The following PFKFB4 variants were observed in gnomAD, a reference collection of about 807,000 sequenced individuals.
PFKFB4 encodes 6-phosphofructo-2-kinase/fructose-2,6-biphosphatase 4.
PFKFB4 carries 42 observed loss-of-function variants against 62.8 expected under a neutral mutation model. The observed-to-expected ratio is 0.67, with a 90% CI of 0.52 to 0.86. The LOEUF is 0.86. Ranked by LOEUF, PFKFB4 falls within the 40% of genes least tolerant of loss-of-function variation. The pLI, the probability that PFKFB4 is intolerant of heterozygous loss-of-function variation, is 0.00. For missense variants in PFKFB4, 475 were observed against 627.2 expected (o/e 0.76, Z 2.59); for synonymous variants, 204 against 240.7 (o/e 0.85, Z 1.41).
intron 8 of PFKFB4, among the ~76,000 whole-genome samples, chr3:48,535,942 A>T (rs1233511767): frequency 6.6e-6 from 1 of 152,170 alleles, no homozygotes; most frequent in Non-Finnish European, 1.5e-5. Context: ...GTGACCACTG[A>T]GGTCTCCCCT....
upstream of PFKFB4, chr3:48,557,148 TGCATAG>T (rs2043348939): frequency 1.9e-5 from 5 of 260,108 alleles, no homozygotes; most frequent in South Asian, 3.0e-4. Flanking sequence ...CGCGCTGATT[TGCATAG>T]GCCCCACCTA....
chr3:48,534,311 AC>A (rs1338195214), intron 9 of PFKFB4, among the ~76,000 whole-genome samples: 39 of 152,318 alleles, frequency 2.6e-4, no homozygotes, highest in South Asian at 1.0e-3. Flanking sequence ...GGCAGAAAAT[AC>A]CTTTGAAGAA....
chr3:48,525,277 C>T (rs1026452293), intron 10 of PFKFB4, among the ~76,000 whole-genome samples: 1 of 152,186 alleles, frequency 6.6e-6, no homozygotes, highest in Non-Finnish European at 1.5e-5. Flanking sequence ...ATTCTCCACC[C>T]CTGGGAAGGG....
upstream of PFKFB4, among the ~76,000 whole-genome samples, chr3:48,558,394 T>C (rs1386393128): frequency 6.6e-6 from 1 of 152,212 alleles, no homozygotes; most frequent in African/African-American, 2.4e-5. Context: ...TCAGGTTCTC[T>C]CTGCCCAGTG....
rs1021022478 is a variant in PFKFB4 at position 48,518,776 on chromosome 3, A to C, written c.*971T>G. On this transcript the variant is annotated 3_prime_UTR_variant, in exon 14 of 14. Transcript: ENST00000232375. ...CAAGTGTTTCTGAATTATTTATGGC[A>C]AATGCATGTTTCTGCCACCAGTGTA... 2 of 152,246 alleles carry C rather than the reference A, an allele frequency of 1.3e-5. No homozygotes were observed. The highest frequency in any genetic ancestry group is 4.8e-5 in the African/African-American group (2 of 41,466). 9.4% of individuals were successfully genotyped at this position (152,246 alleles called of 1,614,324 possible).
rs889097296 is a variant in PFKFB4 at position 48,556,319 on chromosome 3, A to C, written c.97+362T>G. Reference sequence around the variant, plus strand: ...ACCCGGCCCACACTCCTTGGCCAGGAGAGAGGGAAGGGCCTGGGGTGCCCA... The same window carrying C: ...ACCCGGCCCACACTCCTTGGCCAGGCGAGAGGGAAGGGCCTGGGGTGCCCA... On this transcript the variant is annotated intron_variant, in intron 1 of 13. Coordinates refer to ENST00000232375, the MANE Select transcript of PFKFB4 (RefSeq NM_004567.4). This position sits in a 1 kb window ranked among gnomAD's most constrained non-coding sequence, Gnocchi z 5.7. The C allele has an allele frequency of 9.3e-5, 48 of 513,846 alleles. No individual in the cohort carries two copies. The highest frequency in any genetic ancestry group is 8.7e-4 in the African/African-American group (46 of 52,660). The allele number at this position is 513,846 out of a possible 1,614,324, so 31.8% of individuals were successfully genotyped here. A position where few individuals can be genotyped will look rare whatever the true frequency, so the allele number is the denominator to read the frequency against.
At chr3:48,556,835 G>A, upstream of PFKFB4, 11 of 1,527,998 alleles carry the variant, frequency 7.2e-6, no homozygotes, top group Admixed American at 4.4e-5. The surrounding 1 kb of genome is among the most constrained non-coding windows in gnomAD (Gnocchi z 5.7). Context: ...GGGCCACCTC[G>A]GGCCACCCGA....
intron 7 of PFKFB4, 62 bp from the exon 8 acceptor site, chr3:48,536,525 C>T: frequency 7.5e-7 from 1 of 1,339,980 alleles, no homozygotes. Flanking sequence ...CAGAGCACAT[C>T]TGGCTAGCCA....
chr3:48,559,812 C>G (rs1157570706), upstream of PFKFB4: 2 of 347,662 alleles, frequency 5.8e-6, no homozygotes, highest in Non-Finnish European at 1.1e-5. Flanking sequence ...GCCTAGAAGC[C>G]ATGTGGTGGC....
intron 3 of PFKFB4, chr3:48,547,994 G>A (rs531326782): frequency 6.6e-6 from 1 of 152,338 alleles, no homozygotes; most frequent in Non-Finnish European, 1.5e-5. Flanking sequence ...CAGCAGAGAG[G>A]GTTTCTAGGG....
At chr3:48,556,998 G>T (rs910677786), upstream of PFKFB4, 1 of 1,364,412 alleles carries the variant, frequency 7.3e-7, no homozygotes, top group Non-Finnish European at 9.5e-7. This position sits in a 1 kb window ranked among gnomAD's most constrained non-coding sequence, Gnocchi z 5.7. Flanking sequence ...CGCCCGTTTT[G>T]GAACAAGTGG....
intron 12 of PFKFB4, 45 bp downstream of exon 12, chr3:48,523,492 C>T: frequency 6.4e-7 from 1 of 1,566,326 alleles, no homozygotes; most frequent in Non-Finnish European, 8.8e-7. Context: ...TGCAGAGATC[C>T]AAGGTCATGG....
At chr3:48,522,244 A>C (rs2042120086) in intron 12 of PFKFB4, among the ~76,000 whole-genome samples, 194 bp from the exon 13 acceptor site, 1 of 152,162 alleles carries the variant, frequency 6.6e-6, no homozygotes, top group South Asian at 2.1e-4. Flanking sequence ...AGACCCACGC[A>C]TATCTATGTG....
intron 12 of PFKFB4, among the ~76,000 whole-genome samples, chr3:48,522,444 A>T (rs990180559): frequency 1.3e-5 from 2 of 152,136 alleles, no homozygotes; most frequent in Non-Finnish European, 2.9e-5. Flanking sequence ...GCAATGGGGG[A>T]TGAGGCCATT....
intron 3 of PFKFB4, among the ~76,000 whole-genome samples, chr3:48,545,212 A>G (rs969283792): frequency 1.3e-5 from 2 of 151,400 alleles, no homozygotes; most frequent in African/African-American, 4.9e-5. Flanking sequence ...GCTCACTACA[A>G]CCTCCACCTT....
chr3:48,539,296 C>G lies in PFKFB4; in HGVS notation c.468G>C (p.Glu156Asp), dbSNP rs2042728752. ...EQNGYKTFFV[E>D]SICVDPEVIA... ...TGACCTCAGGATCCACACAGATGGA[C>G]TCGACAAAAAAGGTCTGCGGCAGGA... The change falls in exon 6 of 14, where the codon GAG (glutamate) becomes GAC (aspartate). Residue 156 changes from glutamate (E) to aspartate (D), a missense_variant. Glu to Asp is a conservative substitution (Grantham distance 45). Coordinates refer to ENST00000232375, the MANE Select transcript of PFKFB4 (RefSeq NM_004567.4). 1.2e-6 allele frequency: 2 copies of G among 1,614,020 alleles called. No homozygotes were observed. The highest frequency in any genetic ancestry group is 1.7e-6 in the Non-Finnish European group (2 of 1,179,928).
chr3:48,547,410 G>A (rs759536473), intron 3 of PFKFB4, among the ~76,000 whole-genome samples: 58 of 152,250 alleles, frequency 3.8e-4, no homozygotes, highest in Non-Finnish European at 6.8e-4. Flanking sequence ...GGGGGCTTGT[G>A]TGTGGTATAG....
In PFKFB4 at chr3:48,519,725, TG is replaced by T; in HGVS notation, c.*21del. The T allele has an allele frequency of 6.3e-7, 1 of 1,597,340 alleles. No homozygotes were observed. The highest frequency in any genetic ancestry group is 8.6e-7 in the Non-Finnish European group (1 of 1,165,484). On this transcript the variant is annotated 3_prime_UTR_variant, in exon 14 of 14. Transcript: ENST00000232375. ...TCTGCAGAGAGCAGTGCCTGCCTAG[TG>T]GTCACAGTGGATGAACATGGTCACT...
At chr3:48,543,537 T>A in intron 4 of PFKFB4, 43 bp downstream of exon 4, 1 of 1,533,508 alleles carries the variant, frequency 6.5e-7, no homozygotes, top group East Asian at 2.3e-5. Context: ...GTGGATGGGC[T>A]CCCATGTGTC....
Sources: allele counts gnomAD v4.1 joint callset (sites outside exome capture counted in the v4.1 genomes callset), GRCh38; gene constraint gnomAD v4.1.1; non-coding constraint Gnocchi (gnomAD v3.1); transcripts MANE v1.5; gene names NCBI Gene and HGNC (gene_info 2026-07-23, HGNC 2026-07-21).